Variants in NAALADL2 observed in about 807,000 individuals in gnomAD.
NAALADL2 encodes the protein inactive N-acetylated-alpha-linked acidic dipeptidase-like protein 2.
NAALADL2 carries 76 observed loss-of-function variants against 87.2 expected under a neutral mutation model. That is an observed-to-expected ratio of 0.87 (90% CI 0.72 to 1.05). The LOEUF is 1.05. Ranked by LOEUF, NAALADL2 falls within the 50% of genes least tolerant of loss-of-function variation. The pLI, the probability that NAALADL2 is intolerant of heterozygous loss-of-function variation, is 0.00. For missense variants in NAALADL2, 1,089 were observed against 945.8 expected (o/e 1.15, Z -1.99); for synonymous variants, 354 against 331.0 (o/e 1.07, Z -0.75).
intron 1 of NAALADL2, among the ~76,000 whole-genome samples, chr3:174,542,876 A>G (rs1002987467): frequency 6.6e-6 from 1 of 152,156 alleles, no homozygotes; most frequent in Non-Finnish European, 1.5e-5. Context: ...CTGCCTCATT[A>G]TGAGAATAAT....
At chr3:174,817,126 T>C (rs1456133635) in intron 3 of NAALADL2, among the ~76,000 whole-genome samples, 1 of 152,130 alleles carries the variant, frequency 6.6e-6, no homozygotes, top group African/African-American at 2.4e-5. Flanking sequence ...CAAACAGACA[T>C]TCAAAAGGAA....
At chr3:174,645,320 A>C (rs1017855825) in intron 2 of NAALADL2, among the ~76,000 whole-genome samples, 8 of 152,172 alleles carry the variant, frequency 5.3e-5, no homozygotes, top group African/African-American at 1.7e-4. Context: ...TCCCTAAAGT[A>C]GTTGGAGGTC....
intron 4 of NAALADL2, among the ~76,000 whole-genome samples, chr3:175,267,096 CTATTAA>C (rs1364735079): frequency 6.6e-6 from 1 of 150,742 alleles, no homozygotes; most frequent in Non-Finnish European, 1.5e-5. Flanking sequence ...TCCAATTATA[CTATTAA>C]TATAACAGGC....
At chr3:175,505,599 T>G (rs1394050074) in intron 9 of NAALADL2, among the ~76,000 whole-genome samples, 3 of 152,104 alleles carry the variant, frequency 2.0e-5, no homozygotes, top group East Asian at 3.9e-4. Flanking sequence ...GAAATGTACG[T>G]AAGCTGAGGA....
At position 175,606,752 on chromosome 3, in the gene NAALADL2, A is replaced by G. The variant is rs192604909; in HGVS notation, c.1801-20539A>G. On this transcript the variant is annotated intron_variant, in intron 10 of 13. Transcript: ENST00000454872. Reference sequence around the variant, plus strand: ...CAGAAGAGTGTAAGGAAAACCTAGCATACTTCTGTTCCTTGGTCTTAGTTT... The same window carrying G: ...CAGAAGAGTGTAAGGAAAACCTAGCGTACTTCTGTTCCTTGGTCTTAGTTT... 1.8e-4 allele frequency among the ~76,000 whole-genome samples: 28 copies of G among 152,256 alleles called. No individual in the cohort carries two copies. In the East Asian group the frequency reaches 5.2e-3, roughly 28 times the overall value.
chr3:175,715,650 A>C (rs7615803), intron 11 of NAALADL2, among the ~76,000 whole-genome samples: 11,700 of 151,994 alleles, frequency 0.077, 1,509 homozygotes, highest in African/African-American at 0.27. Context: ...CTGAGGAGAG[A>C]AGACTACCCG....
rs111862376 is a variant in NAALADL2, at chr3:174,559,766, T to A, written c.-115+9129T>A. 1.3e-4 allele frequency among the ~76,000 whole-genome samples: 20 copies of A among 152,272 alleles called. 1 individual carries two copies. Among genetic ancestry groups the A allele is most frequent in the African/African-American group, 4.3e-4 (18 of 41,572 alleles). On this transcript the variant is annotated intron_variant, in intron 2 of 3. Transcript: ENST00000434257. ...CTTTTATAAGGGTGGTAATTCCATT[T>A]ATGAGGGCTCCACCCTTATGTCCTA... is the stretch of plus-strand genomic sequence containing the variant.
intron 1 of NAALADL2, among the ~76,000 whole-genome samples, chr3:175,048,415 G>T (rs1045700166): frequency 6.6e-6 from 1 of 152,058 alleles, no homozygotes; most frequent in Non-Finnish European, 1.5e-5. Flanking sequence ...TGATGACAGT[G>T]AGATAATGTT....
chr3:174,446,212 A>G (rs959938515), intron 1 of NAALADL2, among the ~76,000 whole-genome samples: 1 of 152,132 alleles, frequency 6.6e-6, no homozygotes, highest in East Asian at 1.9e-4. Flanking sequence ...CCAAGGTACA[A>G]TTTGATAGGA....
chr3:175,629,376 AT>A (rs1727454768), intron 11 of NAALADL2, among the ~76,000 whole-genome samples: 1 of 80,736 alleles, frequency 1.2e-5, no homozygotes, highest in Non-Finnish European at 2.4e-5. Context: ...ATATATATGA[AT>A]ATATATATAT....
At chr3:175,685,901 G>A (rs746533410) in intron 11 of NAALADL2, among the ~76,000 whole-genome samples, 14 of 152,134 alleles carry the variant, frequency 9.2e-5, no homozygotes, top group Admixed American at 3.9e-4. Flanking sequence ...TTTAGAACAC[G>A]TTTTAAAATT....
At chr3:175,749,140 C>A (rs60568850) in intron 12 of NAALADL2, among the ~76,000 whole-genome samples, 24 of 84,968 alleles carry the variant, frequency 2.8e-4, no homozygotes, top group African/African-American at 8.7e-4. Context: ...GAGAAGGGAG[C>A]GGAGGGGAAG....
rs1553855334 is a variant in NAALADL2, at chr3:174,787,580, T to TATATATATATATATATATAC, written c.-9+49853_-9+49854insCATATATATATATATATATA. On this transcript the variant is annotated intron_variant, in intron 3 of 3. Coordinates refer to the NAALADL2 transcript ENST00000434257. ...TAGAAGAAGGCAATATATCATCATATATATATATATATATATATATATATA... is the reference window on the plus strand; with the variant it reads ...TAGAAGAAGGCAATATATCATCATATATATATATATATATATATACATATATATATATATATATATATATA... 2.6e-3 allele frequency among the ~76,000 whole-genome samples: 103 copies of TATATATATATATATATATAC among 40,128 alleles called. 7 individuals carry two copies. The highest frequency in any genetic ancestry group is 5.2e-3 in the African/African-American group (59 of 11,404). The allele number at this position is 40,128 out of a possible 152,430, so 26.3% of individuals were successfully genotyped here. A position where few individuals can be genotyped will look rare whatever the true frequency, so the allele number is the denominator to read the frequency against.
chr3:174,588,385 T>C (rs1716963578), intron 2 of NAALADL2, among the ~76,000 whole-genome samples: 7 of 152,222 alleles, frequency 4.6e-5, no homozygotes, highest in Admixed American at 4.6e-4. Context: ...CTCATCAAAG[T>C]CATTTTCCAT....
chr3:175,731,407 G>A (rs181400869), intron 11 of NAALADL2, among the ~76,000 whole-genome samples: 5 of 152,284 alleles, frequency 3.3e-5, no homozygotes, highest in Admixed American at 3.3e-4. Flanking sequence ...CAGTGAAGCT[G>A]ATTCTCAGTG....
chr3:174,894,035 C>G (rs1028236244), intron 1 of NAALADL2, among the ~76,000 whole-genome samples: 1 of 151,694 alleles, frequency 6.6e-6, no homozygotes, highest in Non-Finnish European at 1.5e-5. Context: ...CAATGGAAAC[C>G]AAAAAGACCA....
intron 2 of NAALADL2, among the ~76,000 whole-genome samples, chr3:175,209,690 TGTA>T (rs1042323430): frequency 2.6e-5 from 4 of 150,972 alleles, no homozygotes; most frequent in South Asian, 2.1e-4. Context: ...TACTGACACA[TGTA>T]GTAGTTATTT....
At chr3:175,341,309 T>G (rs1762545968) in intron 5 of NAALADL2, among the ~76,000 whole-genome samples, 1 of 152,180 alleles carries the variant, frequency 6.6e-6, no homozygotes, top group African/African-American at 2.4e-5. Flanking sequence ...TAAGATTCAT[T>G]CATGTTGTAG....
At chr3:175,593,905 A>G (rs1721882754) in intron 10 of NAALADL2, among the ~76,000 whole-genome samples, 3 of 152,156 alleles carry the variant, frequency 2.0e-5, no homozygotes, top group African/African-American at 7.2e-5. Context: ...ACAAAGAGTA[A>G]GATACCACCT....
Sources: gnomAD v4.1 joint callset for allele counts (sites outside exome capture counted in the v4.1 genomes callset) on GRCh38, gnomAD v4.1.1 for gene constraint, MANE v1.5 for transcripts, NCBI Gene and HGNC (gene_info 2026-07-23, HGNC 2026-07-21) for gene names.